Variants in EEF1AKMT1 observed in about 807,000 individuals in gnomAD.
EEF1AKMT1 encodes the protein N-6 adenine-specific DNA methyltransferase 2 (putative).
EEF1AKMT1 carries 18 observed loss-of-function variants against 21.0 expected under a neutral mutation model. That is an observed-to-expected ratio of 0.86 (90% CI 0.59 to 1.27). The LOEUF is 1.27. Among genes scored for constraint, EEF1AKMT1 ranks in the 50% most tolerant of loss-of-function variants. EEF1AKMT1 has a pLI of 0.00. For synonymous variants in EEF1AKMT1, 109 were observed against 94.8 expected, an observed-to-expected ratio of 1.15 and a Z score of -0.87; for missense variants, 246 against 258.6, an observed-to-expected ratio of 0.95 and a Z score of 0.33.
intron 2 of EEF1AKMT1, among the ~76,000 whole-genome samples, chr13:20,745,990 G>A (rs2058901912): frequency 6.6e-6 from 1 of 152,142 alleles, no homozygotes; most frequent in African/African-American, 2.4e-5. Context: ...AATATTTACT[G>A]AATATAATGA....
At chr13:20,770,341 T>G (rs1384606100) in intron 1 of EEF1AKMT1, among the ~76,000 whole-genome samples, 1 of 151,930 alleles carries the variant, frequency 6.6e-6, no homozygotes, top group Non-Finnish European at 1.5e-5. Flanking sequence ...TACTGTTCAG[T>G]TTTATAAGAT....
chr13:20,767,623 G>A (rs1164701501), intron 1 of EEF1AKMT1, among the ~76,000 whole-genome samples: 2 of 151,850 alleles, frequency 1.3e-5, no homozygotes, highest in Non-Finnish European at 2.9e-5. Context: ...TACTGGTTTT[G>A]GGTATTTGAT....
intron 2 of EEF1AKMT1, 38 bp downstream of exon 2, chr13:20,757,417 T>C (rs748911122): frequency 6.2e-7 from 1 of 1,610,758 alleles, no homozygotes; most frequent in South Asian, 1.1e-5. Context: ...AGGTTCCACA[T>C]CAATACTTCC....
At chr13:20,730,633 T>G (rs373469645) in intron 4 of EEF1AKMT1, among the ~76,000 whole-genome samples, 30 of 152,302 alleles carry the variant, frequency 2.0e-4, no homozygotes, top group East Asian at 5.8e-4. Context: ...TGAAGCCAGC[T>G]GGACTTCCTG....
At chr13:20,746,207 C>G (rs1332004961) in intron 2 of EEF1AKMT1, among the ~76,000 whole-genome samples, 1 of 151,978 alleles carries the variant, frequency 6.6e-6, no homozygotes, top group Non-Finnish European at 1.5e-5. Context: ...GGCTGGAGTG[C>G]AATGGCACAA....
chr13:20,742,257 T>A (rs2058875732), intron 2 of EEF1AKMT1, among the ~76,000 whole-genome samples: 1 of 152,136 alleles, frequency 6.6e-6, no homozygotes, highest in Admixed American at 6.5e-5. Context: ...AATTTTTATT[T>A]TTATTTTTAT....
Position 20,738,188 on chromosome 13 carries a change from A to C in EEF1AKMT1, c.145-383T>G, listed in dbSNP as rs1025650525. Among the ~76,000 whole-genome samples, 3 of 152,334 alleles carry C rather than the reference A, an allele frequency of 2.0e-5. No individual in the cohort carries two copies. In the East Asian group the frequency reaches 5.8e-4, roughly 29 times the overall value. On this transcript the variant is annotated intron_variant, in intron 2 of 4. Transcript: ENST00000382758. ...TCAACCAGCAATGAAGAGAATTACA[A>C]ACACAGAGGATGGAAGAATGAGTTC... is the stretch of plus-strand genomic sequence containing the variant.
intron 1 of EEF1AKMT1, among the ~76,000 whole-genome samples, chr13:20,766,125 C>T (rs2059030232): frequency 6.6e-6 from 1 of 151,152 alleles, no homozygotes; most frequent in Non-Finnish European, 1.5e-5. Context: ...TGGTGAAACC[C>T]CATCTCTACT....
At chr13:20,771,559 T>C (rs2059062839) in intron 1 of EEF1AKMT1, among the ~76,000 whole-genome samples, 1 of 152,150 alleles carries the variant, frequency 6.6e-6, no homozygotes, top group Non-Finnish European at 1.5e-5. Flanking sequence ...AAATAAATGT[T>C]AGATGACAAT....
At chr13:20,746,029 T>C (rs1437432750) in intron 2 of EEF1AKMT1, among the ~76,000 whole-genome samples, 3 of 152,228 alleles carry the variant, frequency 2.0e-5, no homozygotes, top group Non-Finnish European at 4.4e-5. Context: ...ATATTTCCCA[T>C]CTGGATGTCT....
chr13:20,752,405 A>T (rs1166683306), intron 2 of EEF1AKMT1, among the ~76,000 whole-genome samples: 1 of 152,174 alleles, frequency 6.6e-6, no homozygotes, highest in Non-Finnish European at 1.5e-5. Flanking sequence ...TGAGATGATC[A>T]TATAACATTT....
intron 3 of EEF1AKMT1, among the ~76,000 whole-genome samples, chr13:20,735,941 T>C (rs1268473278): frequency 1.3e-5 from 2 of 151,932 alleles, no homozygotes; most frequent in African/African-American, 2.4e-5. Flanking sequence ...AGTGGAGGAA[T>C]TCTCCCAGAA....
chr13:20,739,016 C>T (rs1031554088), intron 2 of EEF1AKMT1, among the ~76,000 whole-genome samples: 11 of 152,140 alleles, frequency 7.2e-5, no homozygotes, highest in Non-Finnish European at 2.9e-5. Flanking sequence ...GCCCAGAGTT[C>T]CTTCCTTCTG....
intron 1 of EEF1AKMT1, among the ~76,000 whole-genome samples, chr13:20,762,286 G>A (rs370986044): frequency 8.6e-5 from 13 of 150,754 alleles, no homozygotes; most frequent in African/African-American, 3.2e-4. Context: ...GGGTTCAAGC[G>A]ATTCTCCCTG....
intron 3 of EEF1AKMT1, among the ~76,000 whole-genome samples, chr13:20,734,293 G>C (rs991154672): frequency 1.3e-5 from 2 of 152,210 alleles, no homozygotes; most frequent in African/African-American, 4.8e-5. Flanking sequence ...GAAGGGATGG[G>C]AGCAGAAAGA....
At chr13:20,737,927 C>T (rs2058835461) in intron 2 of EEF1AKMT1, 122 bp from the exon 3 acceptor site, 1 of 524,750 alleles carries the variant, frequency 1.9e-6, no homozygotes, top group Non-Finnish European at 3.2e-6. Flanking sequence ...ATAATCTATA[C>T]CAGTGGACAG....
chr13:20,734,136 G>C (rs777796238), intron 3 of EEF1AKMT1, among the ~76,000 whole-genome samples: 1 of 152,196 alleles, frequency 6.6e-6, no homozygotes, highest in Non-Finnish European at 1.5e-5. Flanking sequence ...TGCAACCAAA[G>C]ATTATATATG....
chr13:20,757,689 T>A (rs1157091536), intron 1 of EEF1AKMT1, 72 bp from the exon 2 acceptor site: 4 of 1,273,676 alleles, frequency 3.1e-6, no homozygotes, highest in Admixed American at 5.2e-5. Context: ...TTTTTAAAAA[T>A]TTTTATTTAA....
chr13:20,745,086 C>A (rs1178773889), intron 2 of EEF1AKMT1, among the ~76,000 whole-genome samples: 1 of 152,110 alleles, frequency 6.6e-6, no homozygotes, highest in Non-Finnish European at 1.5e-5. Flanking sequence ...TGGTTACTAG[C>A]CTTGTAGTAT....
Sources: allele counts gnomAD v4.1 joint callset (sites outside exome capture counted in the v4.1 genomes callset), GRCh38; gene constraint gnomAD v4.1.1; transcripts MANE v1.5; gene names NCBI Gene and HGNC (gene_info 2026-07-23, HGNC 2026-07-21).